LDLRAD4: variants seen among roughly 807,000 people sequenced by gnomAD.
LDLRAD4 encodes low-density lipoprotein receptor class A domain-containing protein 4.
Under a neutral mutation model 17.0 loss-of-function variants are expected in LDLRAD4, and 5 were observed. The observed-to-expected ratio is 0.29, with a 90% CI of 0.15 to 0.62. LDLRAD4 has a LOEUF of 0.62. LDLRAD4 is among the 20% of genes least tolerant of loss of function. The probability of loss-of-function intolerance (pLI) is 0.84; values close to 1 mark genes in which losing one functional copy is unlikely to be tolerated. For missense variants in LDLRAD4, 340 were observed against 424.7 expected (o/e 0.80, Z 1.75); for synonymous variants, 168 against 171.8 (o/e 0.98, Z 0.17).
intron 1 of LDLRAD4, among the ~76,000 whole-genome samples, chr18:13,227,178 A>G (rs1372120807): frequency 6.6e-6 from 1 of 152,212 alleles, no homozygotes; most frequent in African/African-American, 2.4e-5. Context: ...CCTCCAAGGC[A>G]TCAGCCCTTC....
intron 1 of LDLRAD4, among the ~76,000 whole-genome samples, chr18:13,318,328 C>T (rs2081039400): frequency 6.6e-6 from 1 of 151,976 alleles, no homozygotes; most frequent in African/African-American, 2.4e-5. Context: ...GTGGCATGAT[C>T]TCAGTTCACT....
intron 1 of LDLRAD4, among the ~76,000 whole-genome samples, chr18:13,233,800 C>T (rs986800532): frequency 4.6e-5 from 7 of 152,072 alleles, no homozygotes; most frequent in Non-Finnish European, 4.4e-5. Flanking sequence ...TAGGCTCCTA[C>T]ACCTACCTGC....
chr18:13,262,015 G>GAA, intron 1 of LDLRAD4, among the ~76,000 whole-genome samples: 1 of 145,982 alleles, frequency 6.9e-6, no homozygotes, highest in Admixed American at 6.8e-5. Context: ...TGTGCGTGGG[G>GAA]GCTGAGTCCC....
At chr18:13,334,991 T>C (rs866883086) in intron 1 of LDLRAD4, among the ~76,000 whole-genome samples, 1 of 152,232 alleles carries the variant, frequency 6.6e-6, no homozygotes, top group Non-Finnish European at 1.5e-5. Flanking sequence ...ATCTAAGTTA[T>C]GTCACATTTT....
intron 3 of LDLRAD4, among the ~76,000 whole-genome samples, chr18:13,481,905 G>C (rs9948572): frequency 0.34 from 51,243 of 152,006 alleles, 9,233 homozygotes; most frequent in East Asian, 0.45. Flanking sequence ...TGGGCAGGAG[G>C]GGGAAGGCAG....
At position 13,645,949 on chromosome 18, in the gene LDLRAD4, A is replaced by C. The variant is rs2043000299; in HGVS notation, c.*292A>C. The C allele has an allele frequency of 3.5e-6, 1 of 289,622 alleles. No homozygotes were observed. The highest frequency in any genetic ancestry group is 5.1e-5 in the Admixed American group (1 of 19,564). 17.9% of individuals were successfully genotyped at this position (289,622 alleles called of 1,614,324 possible). Reference sequence around the variant, plus strand: ...AACGGGATGCTTTGAAGATACCATGAAATAAAACCCACAGAGGTATTTGAT... The same window carrying C: ...AACGGGATGCTTTGAAGATACCATGCAATAAAACCCACAGAGGTATTTGAT... On this transcript the variant is annotated 3_prime_UTR_variant, in exon 6 of 6. Coordinates refer to ENST00000359446, the Ensembl canonical transcript of LDLRAD4. This position sits in a 1 kb window ranked among gnomAD's most constrained non-coding sequence, Gnocchi z 5.7.
chr18:13,453,886 C>T (rs2091979043), intron 3 of LDLRAD4, among the ~76,000 whole-genome samples: 1 of 152,218 alleles, frequency 6.6e-6, no homozygotes, highest in African/African-American at 2.4e-5. Context: ...CCTCGTGGCG[C>T]CTTGATGGAA....
chr18:13,452,198 T>C (rs561348165), intron 3 of LDLRAD4, among the ~76,000 whole-genome samples: 4 of 152,228 alleles, frequency 2.6e-5, no homozygotes, highest in Admixed American at 2.6e-4. Flanking sequence ...GGAATCCACA[T>C]GAAAGCCACA....
intron 3 of LDLRAD4, among the ~76,000 whole-genome samples, chr18:13,540,151 G>A (rs772206365): frequency 6.6e-6 from 1 of 152,194 alleles, no homozygotes; most frequent in Non-Finnish European, 1.5e-5. Context: ...TGTTTGGTTT[G>A]TTTTCATGCC....
chr18:13,227,315 T>C (rs1422668740), intron 1 of LDLRAD4, among the ~76,000 whole-genome samples: 2 of 152,060 alleles, frequency 1.3e-5, no homozygotes, highest in Non-Finnish European at 2.9e-5. Context: ...CATTGAGGGG[T>C]TGGAAGCAGC....
chr18:13,385,942 A>G (rs890768007), intron 1 of LDLRAD4, among the ~76,000 whole-genome samples: 2 of 152,256 alleles, frequency 1.3e-5, no homozygotes, highest in Non-Finnish European at 2.9e-5. Context: ...GAATGTTACT[A>G]TAGATACATG....
chr18:13,466,140 T>C (rs1332149041), intron 3 of LDLRAD4, among the ~76,000 whole-genome samples: 2 of 152,150 alleles, frequency 1.3e-5, no homozygotes, highest in African/African-American at 2.4e-5. Flanking sequence ...AGTTTGCAAT[T>C]AGTTGTCTCT....
intron 4 of LDLRAD4, chr18:13,642,020 C>T (rs1348965667): frequency 2.0e-6 from 2 of 985,302 alleles, no homozygotes; most frequent in East Asian, 1.1e-4. Context: ...GCTTCCGCCC[C>T]GCTGGCGCCG....
chr18:13,398,333 A>T lies in LDLRAD4; in HGVS notation c.40+10571A>T, dbSNP rs1319062341. Among the ~76,000 whole-genome samples, 1 of 152,230 alleles carries T rather than the reference A, an allele frequency of 6.6e-6. No individual in the cohort carries two copies. Among genetic ancestry groups the T allele is most frequent in the Non-Finnish European group, 1.5e-5 (1 of 68,038 alleles). ...TTTTGGAATGCTTAGGCGTGAAAGC[A>T]GCACAGCGTCACGGTGGTGATGCTT... On this transcript the variant is annotated intron_variant, in intron 2 of 5. Coordinates refer to ENST00000359446, the Ensembl canonical transcript of LDLRAD4. The surrounding 1 kb of genome is among the most constrained non-coding windows in gnomAD (Gnocchi z 4.8).
chr18:13,410,485 A>C (rs1368893758), intron 2 of LDLRAD4, among the ~76,000 whole-genome samples: 1 of 152,196 alleles, frequency 6.6e-6, no homozygotes, highest in Non-Finnish European at 1.5e-5. Flanking sequence ...AATTATCTCA[A>C]AGTAAGAAGT....
Position 13,284,403 on chromosome 18 carries a change from C to T in LDLRAD4, c.-383+6215C>T, listed in dbSNP as rs139522082. ...CCTGTGGAGTCATATGGGATAAATA[C>T]TTTGACGCTTTGCTTTAAACTCAAA... On this transcript the variant is annotated intron_variant, in intron 1 of 5. Coordinates refer to ENST00000359446, the Ensembl canonical transcript of LDLRAD4. Among the ~76,000 whole-genome samples the T allele has an allele frequency of 2.6e-5, 4 of 152,272 alleles. No homozygotes were observed. The East Asian group carries it at 7.8e-4, about 30-fold the overall frequency.
chr18:13,369,277 G>T (rs2084287756), intron 1 of LDLRAD4, among the ~76,000 whole-genome samples: 1 of 152,226 alleles, frequency 6.6e-6, no homozygotes, highest in African/African-American at 2.4e-5. Flanking sequence ...TGGAGGTGTA[G>T]GAATGAAACG....
intron 4 of LDLRAD4, among the ~76,000 whole-genome samples, chr18:13,627,660 C>T (rs1282987373): frequency 6.6e-6 from 1 of 152,220 alleles, no homozygotes; most frequent in Non-Finnish European, 1.5e-5. Flanking sequence ...CAGTGCTGTG[C>T]GTGTCCTGTG....
At chr18:13,297,785 G>A (rs979497658) in intron 1 of LDLRAD4, among the ~76,000 whole-genome samples, 1 of 152,232 alleles carries the variant, frequency 6.6e-6, no homozygotes, top group Non-Finnish European at 1.5e-5. Flanking sequence ...GGGTGACAGA[G>A]TGAGACCGTC....
Sources: gnomAD v4.1 joint callset for allele counts (sites outside exome capture counted in the v4.1 genomes callset) on GRCh38, gnomAD v4.1.1 for gene constraint, Gnocchi (gnomAD v3.1) non-coding constraint, MANE v1.5 for transcripts, NCBI Gene and HGNC (gene_info 2026-07-23, HGNC 2026-07-21) for gene names.